PCDH11X: variants seen among roughly 807,000 people sequenced by gnomAD.
PCDH11X encodes the protein protocadherin-11 X-linked.
PCDH11X carries 18 observed loss-of-function variants against 53.3 expected under a neutral mutation model. The observed-to-expected ratio is 0.34, with a 90% confidence interval of 0.23 to 0.50. The LOEUF is 0.50. PCDH11X is among the 20% of genes least tolerant of loss of function. PCDH11X has a pLI of 0.98. For synonymous variants in PCDH11X, 279 were observed against 393.3 expected, an observed-to-expected ratio of 0.71 and a Z score of 3.44; for missense variants, 570 against 1,032.4, an observed-to-expected ratio of 0.55 and a Z score of 6.14.
At position 92,387,839 on chromosome X, in the gene PCDH11X, T is replaced by C; in HGVS notation, c.3249T>C (p.His1083=). 4 of 1,211,699 alleles carry C rather than the reference T, an allele frequency of 3.3e-6. No individual in the cohort carries two copies. The highest frequency in any genetic ancestry group is 4.5e-6 in the Non-Finnish European group (4 of 895,463). The change falls in exon 9 of 11, where the codon CAT becomes CAC. Residue 1083 remains histidine, a synonymous_variant. Transcript: ENST00000682573. ...CAGGCAGCCTTACCAGCACATCTCA[T>C]GGCCTGCCCCTTGGCTATCCTCAGG... The part of the protein sequence containing the change: ...HDAGSLTSTS[H]GLPLGYPQEE...
chrX:91,827,667 T>A, intron 4 of PCDH11X, among the ~76,000 whole-genome samples: 1 of 110,621 alleles, frequency 9.0e-6, no homozygotes, highest in Non-Finnish European at 1.9e-5. Flanking sequence ...TGTCTGCACA[T>A]GGCTACCCAG....
intron 10 of PCDH11X, among the ~76,000 whole-genome samples, chrX:92,472,398 G>A (rs1327956131): frequency 1.4e-5 from 1 of 73,679 alleles, no homozygotes; most frequent in Non-Finnish European, 2.5e-5. Context: ...TTTTGGTCAG[G>A]TTTGTCAAAA....
intron 9 of PCDH11X, among the ~76,000 whole-genome samples, chrX:92,423,727 T>C (rs1375988154): frequency 1.0e-5 from 1 of 96,199 alleles, no homozygotes; most frequent in Non-Finnish European, 2.3e-5. Flanking sequence ...ATTATCCCAG[T>C]ACCATTTGTT....
In PCDH11X at chrX:91,811,304, C is replaced by T; in HGVS notation, c.-45+9C>T. ...AATTCAGATATTTCAAGGTGAGTTT[C>T]ATATATATTAAATATCATATACGTC... On this transcript the variant is annotated intron_variant, in intron 4 of 10. Coordinates refer to ENST00000682573, the MANE Select transcript of PCDH11X (RefSeq NM_032968.5). The T allele has an allele frequency of 8.4e-7, 1 of 1,186,750 alleles. No individual in the cohort carries two copies. Among genetic ancestry groups the T allele is most frequent in the East Asian group, 3.0e-5 (1 of 33,629 alleles).
chrX:92,384,324 T>C (rs1359988829), intron 8 of PCDH11X, among the ~76,000 whole-genome samples: 12 of 110,550 alleles, frequency 1.1e-4, no homozygotes, highest in Non-Finnish European at 2.3e-4. Context: ...ATTTTTTATA[T>C]ATTATGAATT....
chrX:92,156,826 A>C (rs1360802709), intron 6 of PCDH11X, among the ~76,000 whole-genome samples: 2 of 111,976 alleles, frequency 1.8e-5, no homozygotes, highest in Non-Finnish European at 3.8e-5. Context: ...TTAAAATCAC[A>C]TACAAAGAAT....
At chrX:91,823,182 T>C (rs1234448111) in intron 4 of PCDH11X, among the ~76,000 whole-genome samples, 2 of 110,692 alleles carry the variant, frequency 1.8e-5, no homozygotes, top group Non-Finnish European at 3.8e-5. Context: ...TGTAGATGTC[T>C]ATTAGGTCCG....
intron 10 of PCDH11X, among the ~76,000 whole-genome samples, chrX:92,582,807 G>A (rs1602384439): frequency 1.8e-5 from 2 of 109,906 alleles, no homozygotes; most frequent in African/African-American, 3.3e-5. Flanking sequence ...AGCCACAGGG[G>A]TGGAGCTGAC....
chrX:92,159,599 CTT>C (rs1357486167), intron 6 of PCDH11X, among the ~76,000 whole-genome samples: 2 of 90,006 alleles, frequency 2.2e-5, no homozygotes, highest in African/African-American at 7.7e-5. Flanking sequence ...TGGTGGTAAA[CTT>C]AACCTCATTG....
intron 10 of PCDH11X, among the ~76,000 whole-genome samples, chrX:92,545,562 G>A (rs906684409): frequency 7.4e-5 from 8 of 108,515 alleles, no homozygotes; most frequent in East Asian, 2.9e-4. Flanking sequence ...CCATCATGCC[G>A]GGCTAATTTT....
At chrX:91,916,685 G>T (rs1378187050) in intron 6 of PCDH11X, among the ~76,000 whole-genome samples, 1 of 109,280 alleles carries the variant, frequency 9.2e-6, no homozygotes, top group Non-Finnish European at 1.9e-5. Context: ...ATAAAAAATT[G>T]CCAACAAAAA....
chrX:91,946,571 ATAT>A (rs1204327913), intron 6 of PCDH11X, among the ~76,000 whole-genome samples: 1 of 81,972 alleles, frequency 1.2e-5, no homozygotes, highest in African/African-American at 4.7e-5. Context: ...ATATATATAT[ATAT>A]ATATATATAT....
intron 8 of PCDH11X, among the ~76,000 whole-genome samples, chrX:92,277,929 C>T (rs2068144634): frequency 9.0e-6 from 1 of 111,503 alleles, no homozygotes; most frequent in South Asian, 3.8e-4. Flanking sequence ...GGTGAAGGAC[C>T]AAGGCAGGCA....
chrX:92,402,315 A>G, intron 9 of PCDH11X, among the ~76,000 whole-genome samples: 1 of 112,024 alleles, frequency 8.9e-6, no homozygotes, highest in Non-Finnish European at 1.9e-5. Flanking sequence ...ACCAAAAGAG[A>G]GCCTGAATAG....
At chrX:92,017,168 A>G (rs933109892) in intron 6 of PCDH11X, among the ~76,000 whole-genome samples, 3 of 105,955 alleles carry the variant, frequency 2.8e-5, no homozygotes, top group African/African-American at 1.0e-4. Flanking sequence ...AGTAACATCT[A>G]TAGCCAAAAA....
chrX:92,037,900 G>GGT (rs1313445659), intron 6 of PCDH11X, among the ~76,000 whole-genome samples: 405 of 88,559 alleles, frequency 4.6e-3, no homozygotes, highest in South Asian at 9.2e-3. Context: ...TTATTTGTGG[G>GGT]TTTTTTTTTT....
At chrX:92,236,182 C>G (rs767645419) in intron 7 of PCDH11X, among the ~76,000 whole-genome samples, 1 of 110,940 alleles carries the variant, frequency 9.0e-6, no homozygotes, top group African/African-American at 3.3e-5. Context: ...AAAGAATTAA[C>G]GTACCATGGA....
intron 8 of PCDH11X, among the ~76,000 whole-genome samples, chrX:92,383,833 A>G (rs2070948410): frequency 8.9e-6 from 1 of 111,958 alleles, no homozygotes; most frequent in Non-Finnish European, 1.9e-5. Flanking sequence ...TCCTTTGGGT[A>G]TATACCCAGT....
intron 8 of PCDH11X, among the ~76,000 whole-genome samples, chrX:92,289,024 G>A (rs1384741165): frequency 9.0e-6 from 1 of 111,246 alleles, no homozygotes; most frequent in Non-Finnish European, 1.9e-5. Context: ...TTTAATAATA[G>A]ACTATGAGTA....
Sources: gnomAD v4.1 joint callset for allele counts (sites outside exome capture counted in the v4.1 genomes callset) on GRCh38, gnomAD v4.1.1 for gene constraint, MANE v1.5 for transcripts, NCBI Gene and HGNC (gene_info 2026-07-23, HGNC 2026-07-21) for gene names.